PTPRG: variants seen among roughly 807,000 people sequenced by gnomAD.
PTPRG encodes receptor-type tyrosine-protein phosphatase gamma.
In PTPRG, 102 loss-of-function variants were observed where a neutral mutation model predicts 165.3. That is an observed-to-expected ratio of 0.62 (90% CI 0.53 to 0.73). The LOEUF (loss-of-function observed/expected upper bound fraction) is 0.73, where lower values mean the gene tolerates loss of function less well. Among genes scored for constraint, PTPRG ranks in the 30% least tolerant of loss-of-function variants. PTPRG has a pLI of 0.00. For synonymous variants in PTPRG, 675 were observed against 669.5 expected (o/e 1.01, Z -0.13); for missense variants, 1,866 against 1,861.4 (o/e 1.00, Z -0.05).
chr3:61,811,404 T>G (rs1156533590), intron 2 of PTPRG, among the ~76,000 whole-genome samples: 1 of 152,160 alleles, frequency 6.6e-6, no homozygotes, highest in Non-Finnish European at 1.5e-5. Context: ...TTTTTTCCCC[T>G]CTTGCTTTTG....
chr3:62,282,906 T>G (rs1702507546), intron 28 of PTPRG, 37 bp downstream of exon 28: 2 of 1,556,144 alleles, frequency 1.3e-6, no homozygotes, highest in African/African-American at 1.4e-5. Flanking sequence ...ATGTAGACCG[T>G]TTTTTTGTTT....
intron 5 of PTPRG, among the ~76,000 whole-genome samples, chr3:62,094,883 T>G (rs78125347): frequency 0.064 from 9,789 of 152,310 alleles, 459 homozygotes; most frequent in South Asian, 0.11. Flanking sequence ...AAGAGGCACT[T>G]GCAGATATTC....
At chr3:61,942,854 CA>C (rs1418030981) in intron 2 of PTPRG, among the ~76,000 whole-genome samples, 1 of 152,188 alleles carries the variant, frequency 6.6e-6, no homozygotes, top group East Asian at 1.9e-4. Flanking sequence ...ACTTCCTTCC[CA>C]AACATGATAT....
intron 5 of PTPRG, among the ~76,000 whole-genome samples, chr3:62,106,754 C>G (rs1478284524): frequency 2.6e-5 from 4 of 152,168 alleles, no homozygotes; most frequent in Non-Finnish European, 5.9e-5. Context: ...GGAACAGAAA[C>G]AGCAGTCTTG....
chr3:61,661,143 G>A (rs1475110629), intron 1 of PTPRG, among the ~76,000 whole-genome samples: 2 of 151,622 alleles, frequency 1.3e-5, no homozygotes, highest in Non-Finnish European at 2.9e-5. Flanking sequence ...CATGCTCCTA[G>A]CCTACTGCAG....
chr3:61,754,813 T>C (rs1008337808), intron 2 of PTPRG, among the ~76,000 whole-genome samples: 5 of 152,270 alleles, frequency 3.3e-5, no homozygotes, highest in Admixed American at 1.3e-4. Flanking sequence ...AAGCAAAATA[T>C]ACGTGCCTGC....
chr3:61,733,334 G>A (rs540388932), intron 1 of PTPRG, among the ~76,000 whole-genome samples: 4 of 152,032 alleles, frequency 2.6e-5, no homozygotes, highest in Middle Eastern at 3.2e-3. Flanking sequence ...CTTCCTTTCC[G>A]TTTCTCTATC....
chr3:61,780,032 T>G lies in PTPRG; in HGVS notation c.190+31050T>G, dbSNP rs1041733154. ...CTCAATCTTTGTCTTGGGACCTGTT[T>G]CCTGGGAAAGCCAGACTAAGACACA... On this transcript the variant is annotated intron_variant, in intron 2 of 29. Coordinates refer to ENST00000474889, the MANE Select transcript of PTPRG (RefSeq NM_002841.4). Among the ~76,000 whole-genome samples the G allele has an allele frequency of 3.9e-5, 6 of 152,192 alleles. No individual in the cohort carries two copies. The East Asian group carries it at 7.7e-4, about 20-fold the overall frequency.
chr3:62,027,980 T>C (rs6777194), intron 4 of PTPRG, among the ~76,000 whole-genome samples: 85,321 of 151,998 alleles, frequency 0.56, 24,897 homozygotes, highest in African/African-American at 0.73. Context: ...TATTTATTCC[T>C]CAGATCTTTT....
chr3:61,697,672 A>G (rs2030685413), intron 1 of PTPRG, among the ~76,000 whole-genome samples: 1 of 152,154 alleles, frequency 6.6e-6, no homozygotes, highest in Non-Finnish European at 1.5e-5. Context: ...CCAAAGAATC[A>G]CTTATAAGCT....
intron 8 of PTPRG, among the ~76,000 whole-genome samples, chr3:62,182,189 A>AGG (rs1705679833): frequency 6.6e-6 from 1 of 152,118 alleles, no homozygotes; most frequent in Non-Finnish European, 1.5e-5. Flanking sequence ...AAAGAAGAGG[A>AGG]GGAGTTCGTT....
Position 61,682,149 on chromosome 3 carries a change from CAAAAAAAAAA to C in PTPRG, c.86-66720_86-66711del, listed in dbSNP as rs35398190. 7.2e-5 allele frequency among the ~76,000 whole-genome samples: 7 copies of C among 96,778 alleles called. No individual in the cohort carries two copies. In the East Asian group the frequency reaches 1.5e-3, roughly 20 times the overall value. 63.5% of individuals were successfully genotyped at this position (96,778 alleles called of 152,430 possible). ...GGGCCACAGAGCAAGACTCCTGTCT[CAAAAAAAAAA>C]AAAAAAAAGTGAACTGGTAATGAGA... On this transcript the variant is annotated intron_variant, in intron 1 of 29. Transcript: ENST00000474889.
chr3:61,582,622 G>A (rs1006870352), intron 1 of PTPRG, among the ~76,000 whole-genome samples: 1 of 152,182 alleles, frequency 6.6e-6, no homozygotes, highest in Non-Finnish European at 1.5e-5. Context: ...GTGAAGGGAA[G>A]GATGACCAGG....
At chr3:61,684,555 G>A (rs1484846213) in intron 1 of PTPRG, among the ~76,000 whole-genome samples, 1 of 152,180 alleles carries the variant, frequency 6.6e-6, no homozygotes, top group East Asian at 1.9e-4. Context: ...TCTGACAGGA[G>A]CTTCTAAGCC....
At position 61,816,931 on chromosome 3, in the gene PTPRG, G is replaced by T. The variant is rs912388138; in HGVS notation, c.190+67949G>T. Among the ~76,000 whole-genome samples, 3 of 145,240 alleles carry T rather than the reference G, an allele frequency of 2.1e-5. No homozygotes were observed. In the East Asian group the frequency reaches 5.9e-4, roughly 29 times the overall value. ...CTGGTAAAATGAAATGAAATATAATGCTATGAAGCTTTTTGGTAGTACCTG... is the reference window on the plus strand; with the variant it reads ...CTGGTAAAATGAAATGAAATATAATTCTATGAAGCTTTTTGGTAGTACCTG... On this transcript the variant is annotated intron_variant, in intron 2 of 29. Transcript: ENST00000474889.
At chr3:61,968,131 AT>A (rs990549171) in intron 2 of PTPRG, among the ~76,000 whole-genome samples, 3 of 152,206 alleles carry the variant, frequency 2.0e-5, no homozygotes, top group African/African-American at 7.2e-5. Context: ...GGATGATGTC[AT>A]TTTGGCCATA....
intron 2 of PTPRG, among the ~76,000 whole-genome samples, chr3:61,890,427 T>G (rs2038181004): frequency 2.0e-5 from 3 of 149,972 alleles, no homozygotes; most frequent in Non-Finnish European, 4.4e-5. Flanking sequence ...TTTTTTGTTT[T>G]TTTTTTTTTT....
At chr3:62,048,047 G>C (rs1700353003) in intron 4 of PTPRG, among the ~76,000 whole-genome samples, 2 of 152,164 alleles carry the variant, frequency 1.3e-5, no homozygotes, top group Non-Finnish European at 1.5e-5. Flanking sequence ...GCTTTTCTTG[G>C]AAACCTGCTG....
chr3:61,995,640 T>TA (rs1488384405), intron 3 of PTPRG, among the ~76,000 whole-genome samples: 1 of 151,772 alleles, frequency 6.6e-6, no homozygotes, highest in African/African-American at 2.4e-5. Flanking sequence ...TGTGTCTTCA[T>TA]ATGTTTCTGA....
Sources: allele counts gnomAD v4.1 joint callset (sites outside exome capture counted in the v4.1 genomes callset), GRCh38; gene constraint gnomAD v4.1.1; transcripts MANE v1.5; gene names NCBI Gene and HGNC (gene_info 2026-07-23, HGNC 2026-07-21).